Variants in CHEK2 observed in about 807,000 individuals in gnomAD.
The protein encoded by CHEK2 is serine/threonine-protein kinase Chk2.
In CHEK2, 71 loss-of-function variants were observed where a neutral mutation model predicts 69.1. The observed-to-expected ratio is 1.03, with a 90% CI of 0.85 to 1.25. The LOEUF is 1.25. CHEK2 is among the 50% of genes most tolerant of loss of function. The pLI is 0.00. For missense variants in CHEK2, 664 were observed against 649.6 expected, an observed-to-expected ratio of 1.02 and a Z score of -0.24; for synonymous variants, 189 against 226.9, an observed-to-expected ratio of 0.83 and a Z score of 1.50.
chr22:28,701,618 T>C lies in CHEK2; in HGVS notation c.909-1681A>G, dbSNP rs759157908. 1.5e-3 allele frequency among the ~76,000 whole-genome samples: 222 copies of C among 152,300 alleles called. 4 individuals carry two copies. The highest frequency in any genetic ancestry group is 4.9e-4 in the Non-Finnish European group (33 of 68,014). On this transcript the variant is annotated intron_variant, in intron 8 of 14. Coordinates refer to ENST00000404276, the MANE Select transcript of CHEK2 (RefSeq NM_007194.4). ...TAGCTGCTCCCAGAAACACTTAATA[T>C]TTATGCAGGAGCAGATATCAAGACA...
intron 4 of CHEK2, among the ~76,000 whole-genome samples, chr22:28,722,539 C>CAAAAAAAAAAAAAAAAAAAAAAAAAA (rs755107963): frequency 1.5e-5 from 1 of 67,928 alleles, no homozygotes; most frequent in Non-Finnish European, 3.0e-5. Context: ...GACTCCGTCT[C>CAAAAAAAAAAAAAAAAAAAAAAAAAA]AAAAAAAAAA....
chr22:28,724,935 T>TG, intron 4 of CHEK2, 42 bp downstream of exon 4: 1 of 1,598,674 alleles, frequency 6.3e-7, no homozygotes, highest in Non-Finnish European at 8.6e-7. Flanking sequence ...TATGAGAGAG[T>TG]GGAAAAAAAA....
chr22:28,692,729 C>G (rs2052413349), intron 13 of CHEK2, among the ~76,000 whole-genome samples: 3 of 152,322 alleles, frequency 2.0e-5, no homozygotes, highest in South Asian at 4.1e-4. Flanking sequence ...CGGATTGATA[C>G]AGTTTGGCTT....
At chr22:28,709,621 TC>T (rs1328136063) in intron 7 of CHEK2, among the ~76,000 whole-genome samples, 4 of 152,080 alleles carry the variant, frequency 2.6e-5, no homozygotes, top group South Asian at 4.1e-4. Flanking sequence ...TTTTAATTTT[TC>T]TTGTTTTTTT....
At chr22:28,723,530 G>A (rs1454879752) in intron 4 of CHEK2, among the ~76,000 whole-genome samples, 2 of 150,214 alleles carry the variant, frequency 1.3e-5, no homozygotes, top group Admixed American at 6.6e-5. Context: ...CCCGGGAGGC[G>A]GAGCTTGCAG....
chr22:28,718,542 T>C (rs1034538552), intron 5 of CHEK2, among the ~76,000 whole-genome samples: 2 of 152,120 alleles, frequency 1.3e-5, no homozygotes, highest in African/African-American at 4.8e-5. Flanking sequence ...TGTCCATAAA[T>C]GAATGAACGG....
intron 1 of CHEK2, 102 bp from the exon 2 acceptor site, chr22:28,734,829 A>G: frequency 1.1e-6 from 1 of 945,580 alleles, no homozygotes; most frequent in Non-Finnish European, 1.6e-6. Context: ...AGAAAAGAAA[A>G]AAAAAAAAAC....
intron 4 of CHEK2, among the ~76,000 whole-genome samples, chr22:28,721,293 T>G (rs1217136151): frequency 6.8e-6 from 1 of 146,434 alleles, no homozygotes; most frequent in Non-Finnish European, 1.5e-5. Context: ...TTTTTTTTTT[T>G]TTTTTTTTTT....
rs1555913880 is a variant in CHEK2 at position 28,695,841 on chromosome 22, T to C, written c.1128A>G (p.Gly376=). 3 of 1,613,780 alleles carry C rather than the reference T, an allele frequency of 1.9e-6. No homozygotes were observed. Among genetic ancestry groups the C allele is most frequent in the Non-Finnish European group, 2.5e-6 (3 of 1,179,690 alleles). ...ITDFGHSKIL[G]ETSLMRTLCG... ...ATAAGGTTCTCATGAGAGAGGTCTC[T>C]CCCAAAATCTTGGAGTGCCCAAAAT... Residue 376 remains glycine, a synonymous_variant, in exon 11 of 15, where the codon GGA becomes GGG. Transcript: ENST00000404276.
In CHEK2 at chr22:28,712,869, G is replaced by A. The variant is rs1156981756; in HGVS notation, c.684-852C>T. Reference sequence around the variant, plus strand: ...AAAGTGTACAATTCAGTAGCATTAAGTACATTTGCCAATGTTCTACAACCA... The same window carrying A: ...AAAGTGTACAATTCAGTAGCATTAAATACATTTGCCAATGTTCTACAACCA... On this transcript the variant is annotated intron_variant, in intron 5 of 14. Transcript: ENST00000404276. Among the ~76,000 whole-genome samples the A allele has an allele frequency of 3.3e-5, 5 of 152,138 alleles. 2 individuals carry two copies.
chr22:28,702,586 G>A (rs1204965650), intron 8 of CHEK2, among the ~76,000 whole-genome samples: 1 of 137,696 alleles, frequency 7.3e-6, no homozygotes, highest in Non-Finnish European at 1.6e-5. Context: ...TCACTCTGTG[G>A]CCCAGGCTGG....
intron 1 of CHEK2, among the ~76,000 whole-genome samples, chr22:28,737,072 A>G (rs1015503635): frequency 3.3e-5 from 5 of 152,146 alleles, no homozygotes; most frequent in Non-Finnish European, 7.4e-5. Context: ...TTCCTCCCCA[A>G]ACTCAGGCTA....
chr22:28,739,284 G>T (rs948981530), intron 1 of CHEK2, among the ~76,000 whole-genome samples: 4 of 152,038 alleles, frequency 2.6e-5, no homozygotes, highest in Admixed American at 2.6e-4. Flanking sequence ...TCAAAAAAAA[G>T]AAATGGGCAA....
chr22:28,705,271 G>A (rs574089969), intron 7 of CHEK2, among the ~76,000 whole-genome samples: 1 of 151,648 alleles, frequency 6.6e-6, no homozygotes, highest in African/African-American at 2.4e-5. Context: ...TAGAGACTTG[G>A]TTTCACCATC....
At chr22:28,728,727 G>A (rs1237458090) in intron 2 of CHEK2, among the ~76,000 whole-genome samples, 1 of 151,958 alleles carries the variant, frequency 6.6e-6, no homozygotes, top group Non-Finnish European at 1.5e-5. Context: ...CAAAACAAAA[G>A]ACTGAATGAG....
chr22:28,690,165 T>C (rs2052305253), intron 13 of CHEK2, among the ~76,000 whole-genome samples: 1 of 152,196 alleles, frequency 6.6e-6, no homozygotes, highest in Admixed American at 6.5e-5. Context: ...AGTAAAGTCC[T>C]CCACCATTTG....
chr22:28,716,479 G>A (rs1409253742), intron 5 of CHEK2, among the ~76,000 whole-genome samples: 1 of 152,106 alleles, frequency 6.6e-6, no homozygotes, highest in Non-Finnish European at 1.5e-5. Flanking sequence ...TTACAGGTGT[G>A]AGCCACCGTG....
intron 1 of CHEK2, among the ~76,000 whole-genome samples, chr22:28,738,423 A>C (rs996465510): frequency 5.9e-5 from 9 of 152,200 alleles, no homozygotes; most frequent in African/African-American, 2.2e-4. Flanking sequence ...ATCTGGAGTC[A>C]GACACTTGAG....
chr22:28,725,624 G>T (rs2053976233), intron 2 of CHEK2, among the ~76,000 whole-genome samples: 1 of 152,198 alleles, frequency 6.6e-6, no homozygotes, highest in Non-Finnish European at 1.5e-5. Flanking sequence ...CCTTTGGAAG[G>T]CTAAGGCAGG....
Sources: gnomAD v4.1 joint callset for allele counts (sites outside exome capture counted in the v4.1 genomes callset) on GRCh38, gnomAD v4.1.1 for gene constraint, MANE v1.5 for transcripts, NCBI Gene and HGNC (gene_info 2026-07-23, HGNC 2026-07-21) for gene names.